TTLL1: variants seen among roughly 807,000 people sequenced by gnomAD.
The protein encoded by TTLL1 is TTL family tubulin polyglutamylase complex subunit L1.
TTLL1 carries 33 observed loss-of-function variants against 47.8 expected under a neutral mutation model. The observed-to-expected ratio is 0.69, with a 90% CI of 0.52 to 0.92. TTLL1 has a LOEUF of 0.92. TTLL1 is among the 40% of genes least tolerant of loss of function. The pLI, the probability that TTLL1 is intolerant of heterozygous loss-of-function variation, is 0.00. For synonymous variants in TTLL1, 225 were observed against 214.1 expected (o/e 1.05, Z -0.45); for missense variants, 488 against 547.5 (o/e 0.89, Z 1.08).
At chr22:43,082,962 C>T (rs971401874) in intron 1 of TTLL1, among the ~76,000 whole-genome samples, 1 of 151,480 alleles carries the variant, frequency 6.6e-6, no homozygotes, top group Non-Finnish European at 1.5e-5. Context: ...TGCAATGAGC[C>T]GAGATCGTGC....
chr22:43,057,544 G>A (rs1927099687), intron 8 of TTLL1, among the ~76,000 whole-genome samples: 1 of 152,180 alleles, frequency 6.6e-6, no homozygotes, highest in South Asian at 2.1e-4. Context: ...AGCTTTGGGA[G>A]TTTTGTAAAG....
intron 9 of TTLL1, among the ~76,000 whole-genome samples, chr22:43,047,003 C>T (rs918373631): frequency 1.2e-4 from 18 of 152,074 alleles, no homozygotes; most frequent in African/African-American, 4.1e-4. Context: ...TATCTAATAC[C>T]GTCAGAGCAC....
intron 3 of TTLL1, among the ~76,000 whole-genome samples, chr22:43,073,195 T>A (rs1189660121): frequency 6.6e-6 from 1 of 151,646 alleles, no homozygotes; most frequent in East Asian, 1.9e-4. Context: ...TTTGTATTTT[T>A]AGTAGAGACA....
chr22:43,049,701 G>A (rs1569415944), intron 9 of TTLL1, among the ~76,000 whole-genome samples: 2 of 151,260 alleles, frequency 1.3e-5, no homozygotes, highest in East Asian at 1.9e-4. Flanking sequence ...CTCAGAAGGT[G>A]TAGGCTGCAG....
chr22:43,077,459 A>T (rs1928582910), intron 2 of TTLL1, among the ~76,000 whole-genome samples: 1 of 152,146 alleles, frequency 6.6e-6, no homozygotes, highest in Admixed American at 6.5e-5. Flanking sequence ...CTCTGTATCA[A>T]GCATCTGCTG....
intron 7 of TTLL1, among the ~76,000 whole-genome samples, 197 bp downstream of exon 7, chr22:43,063,616 C>A (rs1927531615): frequency 6.6e-6 from 1 of 152,014 alleles, no homozygotes; most frequent in Admixed American, 6.6e-5. Context: ...AGGCGCCAGC[C>A]ACCATGGTAA....
At chr22:43,047,504 T>C (rs1926236055) in intron 9 of TTLL1, among the ~76,000 whole-genome samples, 3 of 152,154 alleles carry the variant, frequency 2.0e-5, no homozygotes, top group Admixed American at 1.3e-4. Context: ...AGTCTTGCTG[T>C]GTCACCCAGG....
intron 9 of TTLL1, among the ~76,000 whole-genome samples, chr22:43,050,421 CAA>C (rs201095847): frequency 1.6e-5 from 2 of 126,142 alleles, no homozygotes; most frequent in Admixed American, 7.9e-5. Context: ...GTCTCAAAAA[CAA>C]AAAAAAAAAG....
intron 9 of TTLL1, among the ~76,000 whole-genome samples, chr22:43,050,610 C>T (rs1926550935): frequency 6.6e-6 from 1 of 151,560 alleles, no homozygotes; most frequent in Admixed American, 6.6e-5. Context: ...GCAACCTCAG[C>T]CTCCCCAGTT....
chr22:43,082,007 G>A (rs1465953350), intron 1 of TTLL1, among the ~76,000 whole-genome samples: 5 of 151,664 alleles, frequency 3.3e-5, no homozygotes, highest in South Asian at 2.1e-4. Flanking sequence ...ACATGCCCCC[G>A]CGCCTGGCTA....
chr22:43,040,748 A>C (rs961110383), intron 10 of TTLL1, among the ~76,000 whole-genome samples: 18 of 151,956 alleles, frequency 1.2e-4, no homozygotes, highest in Non-Finnish European at 7.4e-5. Flanking sequence ...CCTGGCCCCC[A>C]TTTTCTTTAA....
chr22:43,055,344 T>A (rs1386795801), intron 8 of TTLL1, among the ~76,000 whole-genome samples: 2 of 151,862 alleles, frequency 1.3e-5, no homozygotes, highest in African/African-American at 4.8e-5. Context: ...TCTTTCTTTT[T>A]TTTTTGAGAC....
chr22:43,054,419 ATC>A (rs1459241299), intron 8 of TTLL1, among the ~76,000 whole-genome samples: 18 of 149,988 alleles, frequency 1.2e-4, no homozygotes, highest in African/African-American at 4.4e-4. Context: ...ACCCGACATA[ATC>A]TCTTTTTTTT....
At chr22:43,053,067 C>A (rs1926752944) in intron 8 of TTLL1, among the ~76,000 whole-genome samples, 1 of 151,934 alleles carries the variant, frequency 6.6e-6, no homozygotes, top group African/African-American at 2.4e-5. Flanking sequence ...TCTCAAAAAA[C>A]AAACAAACAA....
intron 3 of TTLL1, among the ~76,000 whole-genome samples, chr22:43,072,696 T>C (rs1370938237): frequency 2.6e-5 from 4 of 152,214 alleles, no homozygotes; most frequent in Admixed American, 1.3e-4. Context: ...GGTGTCAAAC[T>C]CCTGGGCTCA....
chr22:43,063,678 C>T, intron 7 of TTLL1, 135 bp downstream of exon 7: 1 of 650,146 alleles, frequency 1.5e-6, no homozygotes, highest in Non-Finnish European at 2.7e-6. Context: ...GTTCGTCAGG[C>T]TGGTCTCGAA....
chr22:43,078,172 G>C (rs183907296), intron 2 of TTLL1, among the ~76,000 whole-genome samples: 17 of 152,020 alleles, frequency 1.1e-4, no homozygotes, highest in African/African-American at 4.1e-4. Flanking sequence ...CAATGAGGAA[G>C]CTGAGGCTCA....
chr22:43,048,472 CA>C (rs35821474), intron 9 of TTLL1, among the ~76,000 whole-genome samples: 107,193 of 131,550 alleles, frequency 0.81, 43,305 homozygotes, highest in Middle Eastern at 0.9. Context: ...CCATCTCTAC[CA>C]AAAAAAAAAA....
At position 43,051,391 on chromosome 22, in the gene TTLL1, G is replaced by GT. The variant is rs143208004; in HGVS notation, c.978+409dup. Among the ~76,000 whole-genome samples the GT allele has an allele frequency of 1.9e-3, 287 of 152,342 alleles. 1 individual carries two copies. Among genetic ancestry groups the GT allele is most frequent in the Non-Finnish European group, 3.2e-3 (221 of 68,040 alleles). ...ATATATGCCAAAGAAGAGCAGGGGC[G>GT]TTCCTTCCCTCAGGAGAGTGTGCTC... On this transcript the variant is annotated intron_variant, in intron 9 of 10. Transcript: ENST00000266254.
Sources: allele counts gnomAD v4.1 joint callset (sites outside exome capture counted in the v4.1 genomes callset), GRCh38; gene constraint gnomAD v4.1.1; transcripts MANE v1.5; gene names NCBI Gene and HGNC (gene_info 2026-07-23, HGNC 2026-07-21).